Variants in NRF1 observed in about 807,000 individuals in gnomAD.
NRF1 encodes alpha palindromic-binding protein.
NRF1 carries 5 observed loss-of-function variants against 58.5 expected under a neutral mutation model. The observed-to-expected ratio is 0.09, with a 90% CI of 0.04 to 0.18. NRF1 has a LOEUF of 0.18. Among genes scored for constraint, NRF1 ranks in the 10% least tolerant of loss-of-function variants. NRF1 has a pLI of 1.00. For missense variants in NRF1, 288 were observed against 657.7 expected (o/e 0.44, Z 6.15); for synonymous variants, 224 against 246.7 (o/e 0.91, Z 0.86).
At chr7:129,619,419 T>TAC (rs1393144669) in intron 1 of NRF1, among the ~76,000 whole-genome samples, 17 of 94,914 alleles carry the variant, frequency 1.8e-4, no homozygotes, top group Non-Finnish European at 2.3e-4. Flanking sequence ...TATATATATA[T>TAC]ATATATATAT....
rs566821319 is a variant in NRF1, at chr7:129,728,084, A to G, written c.1348+719A>G. 2.6e-5 allele frequency among the ~76,000 whole-genome samples: 4 copies of G among 152,328 alleles called. No individual in the cohort carries two copies. In the South Asian group the frequency reaches 8.3e-4, roughly 32 times the overall value. On this transcript the variant is annotated intron_variant, in intron 10 of 10. Coordinates refer to ENST00000393232, the MANE Select transcript of NRF1 (RefSeq NM_005011.5). ...GTTGGCAAGACAAGCTGCCCAAGGA[A>G]GTGCCTCAGAAGTCTGGGTCAAAGA...
intron 4 of NRF1, among the ~76,000 whole-genome samples, chr7:129,690,043 G>T (rs1802528537): frequency 1.3e-5 from 2 of 152,162 alleles, no homozygotes; most frequent in South Asian, 4.1e-4. Flanking sequence ...TGCCACAGCT[G>T]GTTGTTCAAG....
intron 5 of NRF1, among the ~76,000 whole-genome samples, chr7:129,707,881 ATCT>A (rs904852278): frequency 3.3e-5 from 5 of 152,160 alleles, no homozygotes; most frequent in African/African-American, 1.2e-4. Context: ...AATTTGTATC[ATCT>A]TCTCGTAAAA....
intron 5 of NRF1, 115 bp downstream of exon 5, chr7:129,690,661 G>C (rs1802545600): frequency 1.8e-6 from 2 of 1,115,260 alleles, no homozygotes; most frequent in Non-Finnish European, 2.6e-6. Context: ...GTGAGATGCT[G>C]ACTGGAGTCT....
intron 1 of NRF1, among the ~76,000 whole-genome samples, chr7:129,622,571 C>CTTTTTTTTTTT (rs71527916): frequency 7.5e-6 from 1 of 132,566 alleles, no homozygotes; most frequent in Non-Finnish European, 1.6e-5. Context: ...CTTTTCTTTT[C>CTTTTTTTTTTT]TTTTTTTTTT....
intron 4 of NRF1, among the ~76,000 whole-genome samples, chr7:129,686,593 T>A (rs1023916578): frequency 6.6e-6 from 1 of 152,270 alleles, no homozygotes; most frequent in African/African-American, 2.4e-5. Context: ...ATTTTCCTTA[T>A]AGAATTATGG....
chr7:129,666,429 A>T (rs1373118293), intron 2 of NRF1, among the ~76,000 whole-genome samples: 1 of 152,174 alleles, frequency 6.6e-6, no homozygotes, highest in Non-Finnish European at 1.5e-5. Context: ...TGTTTCTGTA[A>T]TATGTTTATC....
chr7:129,652,923 C>T (rs1472180987), intron 1 of NRF1, among the ~76,000 whole-genome samples: 1 of 152,178 alleles, frequency 6.6e-6, no homozygotes. Context: ...AGAAATTACA[C>T]TGGTATATAG....
chr7:129,684,608 T>C (rs1802403567), intron 4 of NRF1, among the ~76,000 whole-genome samples: 1 of 152,232 alleles, frequency 6.6e-6, no homozygotes, highest in Admixed American at 6.5e-5. Context: ...CCTAATCTTA[T>C]ACCCTAGTCT....
intron 1 of NRF1, among the ~76,000 whole-genome samples, chr7:129,641,347 TC>T (rs201916495): frequency 0.022 from 3,397 of 152,312 alleles, 49 homozygotes; most frequent in Middle Eastern, 0.075. Flanking sequence ...TCCATCAACT[TC>T]CTGTAGGGCC....
chr7:129,688,786 T>C (rs969327372), intron 4 of NRF1, among the ~76,000 whole-genome samples: 1 of 152,066 alleles, frequency 6.6e-6, no homozygotes, highest in African/African-American at 2.4e-5. Context: ...GAACTCACTA[T>C]CACGAGAACA....
intron 10 of NRF1, among the ~76,000 whole-genome samples, chr7:129,748,318 A>G (rs1357821695): frequency 6.6e-6 from 1 of 150,822 alleles, no homozygotes; most frequent in Non-Finnish European, 1.5e-5. Context: ...CAACAATGCA[A>G]GCATGCAGAT....
intron 2 of NRF1, among the ~76,000 whole-genome samples, chr7:129,661,167 G>A (rs9656382): frequency 2.0e-5 from 3 of 151,406 alleles, no homozygotes; most frequent in East Asian, 3.9e-4. Context: ...CAAGCCCCTA[G>A]GCTGTGCCCA....
intron 1 of NRF1, among the ~76,000 whole-genome samples, chr7:129,616,052 TACAC>T (rs1205996791): frequency 6.6e-6 from 1 of 151,750 alleles, no homozygotes; most frequent in Non-Finnish European, 1.5e-5. Context: ...TATATATATA[TACAC>T]ACACACATAT....
intron 4 of NRF1, among the ~76,000 whole-genome samples, chr7:129,683,320 TGAGAGA>T (rs72404049): frequency 2.8e-4 from 38 of 136,470 alleles, no homozygotes; most frequent in Admixed American, 7.8e-4. Context: ...TGTGTGTGTG[TGAGAGA>T]GAGAGAGAGA....
At chr7:129,694,185 A>G (rs762546254) in intron 5 of NRF1, among the ~76,000 whole-genome samples, 24 of 152,196 alleles carry the variant, frequency 1.6e-4, no homozygotes, top group Non-Finnish European at 3.1e-4. Context: ...CATAACAAAT[A>G]AAATAAAACA....
chr7:129,723,431 G>A (rs1218897783), intron 9 of NRF1, among the ~76,000 whole-genome samples: 3 of 147,984 alleles, frequency 2.0e-5, no homozygotes, highest in South Asian at 2.1e-4. Context: ...CAACAAGAGC[G>A]AAACTCTATC....
intron 10 of NRF1, chr7:129,744,308 C>A (rs1803920609): frequency 1.6e-6 from 2 of 1,266,574 alleles, no homozygotes; most frequent in African/African-American, 1.5e-5. Flanking sequence ...GCGCTGCTTC[C>A]TGCTTGGATG....
chr7:129,636,235 T>G (rs545053259), intron 1 of NRF1, among the ~76,000 whole-genome samples: 9 of 152,178 alleles, frequency 5.9e-5, no homozygotes, highest in African/African-American at 2.2e-4. Context: ...GGATTGTGGG[T>G]TTTTTTCCTT....
Sources: allele counts gnomAD v4.1 joint callset (sites outside exome capture counted in the v4.1 genomes callset), GRCh38; gene constraint gnomAD v4.1.1; transcripts MANE v1.5; gene names NCBI Gene and HGNC (gene_info 2026-07-23, HGNC 2026-07-21).